The following LPIN3 variants were observed in gnomAD, a reference collection of about 807,000 sequenced individuals.
LPIN3 encodes lipin 3.
LPIN3 carries 82 observed loss-of-function variants against 94.7 expected under a neutral mutation model. The observed-to-expected ratio is 0.87, with a 90% CI of 0.72 to 1.04. LPIN3 has a LOEUF of 1.04. LPIN3 is among the 50% of genes least tolerant of loss of function. The pLI is 0.00. For synonymous variants in LPIN3, 418 were observed against 443.3 expected, an observed-to-expected ratio of 0.94 and a Z score of 0.72; for missense variants, 996 against 1,090.5, an observed-to-expected ratio of 0.91 and a Z score of 1.22.
Position 41,347,550 on chromosome 20 carries a change from A to T in LPIN3, c.193-2A>T. Reference sequence around the variant, plus strand: ...GTCCCTGCCACCGCTTTCCATTTGCAGGTAGACATTGAGCTCAATGGGGAG... The same window carrying T: ...GTCCCTGCCACCGCTTTCCATTTGCTGGTAGACATTGAGCTCAATGGGGAG... On this transcript the variant is annotated splice_acceptor_variant, in intron 2 of 19. Transcript: ENST00000373257. LOFTEE classifies it high-confidence loss of function. 1 of 1,614,012 alleles carries T rather than the reference A, an allele frequency of 6.2e-7. No individual in the cohort carries two copies. The highest frequency in any genetic ancestry group is 8.5e-7 in the Non-Finnish European group (1 of 1,179,890).
In LPIN3 at chr20:41,348,613, C is replaced by T. The variant is rs751234347; in HGVS notation, c.289-6C>T. On this transcript the variant is annotated splice_polypyrimidine_tract_variant and splice_region_variant and intron_variant, in intron 3 of 19. Transcript: ENST00000373257. ...CCCCGACCTCAGTTCTTGGTCTGTTCCACAGGAACATGTGCCTCCCGGCCT... is the reference window on the plus strand; with the variant it reads ...CCCCGACCTCAGTTCTTGGTCTGTTTCACAGGAACATGTGCCTCCCGGCCT... 1.4e-5 allele frequency: 22 copies of T among 1,601,612 alleles called. No homozygotes were observed. Among genetic ancestry groups the T allele is most frequent in the Non-Finnish European group, 1.8e-5 (21 of 1,172,660 alleles).
rs955977822 is a variant in LPIN3 at position 41,351,865 on chromosome 20, C to G, written c.1147C>G (p.Leu383Val). 1.2e-5 allele frequency: 20 copies of G among 1,614,220 alleles called. No individual in the cohort carries two copies. Among genetic ancestry groups the G allele is most frequent in the East Asian group, 4.5e-5 (2 of 44,880 alleles). ...GCACCTGGGCCCCAGTGACATCTAC[C>G]TGGATGACTTGCCCTCCCTGGACTC... The part of the protein sequence containing the change: ...SQHLGPSDIY[L>V]DDLPSLDSEN... The change falls in exon 8 of 20, where the codon CTG becomes GTG. Residue 383 changes from leucine to valine, a missense_variant. Transcript: ENST00000373257.
chr20:41,350,342 C>T lies in LPIN3; in HGVS notation c.1047C>T (p.Ala349=). The stretch of plus-strand genomic sequence containing the variant: ...CTGCCTCCAAGTCATGGAGCTGGGC[C>T]ACTCTGGAGGTTCCAGTTCCCACCG... ...LPPASKSWSW[A]TLEVPVPTGQ... is the part of the protein sequence containing the mutation. Residue 349 remains alanine (A), a synonymous_variant, in exon 7 of 20, where the codon GCC becomes GCT. Coordinates refer to ENST00000373257, the MANE Select transcript of LPIN3 (RefSeq NM_022896.3). 1 of 1,603,264 alleles carries T rather than the reference C, an allele frequency of 6.2e-7. No homozygotes were observed. The highest frequency in any genetic ancestry group is 8.5e-7 in the Non-Finnish European group (1 of 1,172,272).
At position 41,354,827 on chromosome 20, in the gene LPIN3, C is replaced by T. The variant is rs1260229378; in HGVS notation, c.1628C>T (p.Ala543Val). The T allele has an allele frequency of 6.3e-7, 1 of 1,597,178 alleles. No individual in the cohort carries two copies. The highest frequency in any genetic ancestry group is 1.1e-5 in the South Asian group (1 of 89,372). ...RRDFLAEERS[A>V]QKEKTAAKEQ... The stretch of plus-strand genomic sequence containing the variant: ...TGGATGTTCTTTCCACAGCGCAGTG[C>T]CCAGAAGGAGAAGACTGCAGCCAAG... The change falls in exon 13 of 20, where the codon GCC (alanine) becomes GTC (valine). Residue 543 changes from alanine (A) to valine (V), a missense_variant. Ala to Val is a moderately conservative substitution (Grantham distance 64). Coordinates refer to ENST00000373257, the MANE Select transcript of LPIN3 (RefSeq NM_022896.3).
At position 41,349,117 on chromosome 20, in the gene LPIN3, C is replaced by T. The variant is rs1428803668; in HGVS notation, c.583C>T (p.Leu195=). ...TGTCCAGTTGGAAGAGAAGTCTTCACTGCAGCCCAAAGACATCTACCCCTA... is the reference window on the plus strand; with the variant it reads ...TGTCCAGTTGGAAGAGAAGTCTTCATTGCAGCCCAAAGACATCTACCCCTA... ...PGVQLEEKSS[L]QPKDIYPYSD... Residue 195 remains leucine, a synonymous_variant, in exon 5 of 20, where the codon CTG becomes TTG. Coordinates refer to ENST00000373257, the MANE Select transcript of LPIN3 (RefSeq NM_022896.3). The T allele has an allele frequency of 6.2e-7, 1 of 1,614,226 alleles. No homozygotes were observed. The highest frequency in any genetic ancestry group is 8.5e-7 in the Non-Finnish European group (1 of 1,180,044).
rs773619982 is a variant in LPIN3, at chr20:41,348,797, C to T, written c.467C>T (p.Ala156Val). 1 of 1,612,136 alleles carries T rather than the reference C, an allele frequency of 6.2e-7. No homozygotes were observed. Among genetic ancestry groups the T allele is most frequent in the Non-Finnish European group, 8.5e-7 (1 of 1,179,256 alleles). ...RRRKPKQKED[A>V]VATDSSPEEL... is the part of the protein sequence containing the mutation. Reference sequence around the variant, plus strand: ...AGGAAACCCAAGCAGAAAGAGGATGCAGTGGCAACTGATTCTAGTCCAGAG... The same window carrying T: ...AGGAAACCCAAGCAGAAAGAGGATGTAGTGGCAACTGATTCTAGTCCAGAG... Residue 156 changes from alanine (A) to valine (V), a missense_variant, in exon 4 of 20, where the codon GCA becomes GTA. By Grantham distance (64) the Ala-to-Val change is moderately conservative. Coordinates refer to ENST00000373257, the MANE Select transcript of LPIN3 (RefSeq NM_022896.3).
Position 41,350,071 on chromosome 20 carries a change from G to C in LPIN3, c.776G>C (p.Arg259Pro), listed in dbSNP as rs779791289. ...GRLPKVARAE[R>P]PESSVVLEGR... ...CCACTAAAGGTGGCCAGAGCTGAGC[G>C]GCCCGAGTCCTCAGTGGTCCTTGAA... Residue 259 changes from arginine to proline, a missense_variant, in exon 7 of 20, where the codon CGG becomes CCG. Transcript: ENST00000373257. The C allele has an allele frequency of 6.2e-7, 1 of 1,601,332 alleles. No homozygotes were observed. The highest frequency in any genetic ancestry group is 1.1e-5 in the South Asian group (1 of 89,586).
chr20:41,341,642 C>A lies in LPIN3; in HGVS notation c.-9+640C>A, dbSNP rs534876804. 5.9e-5 allele frequency among the ~76,000 whole-genome samples: 9 copies of A among 152,338 alleles called. No individual in the cohort carries two copies. The East Asian group carries it at 1.7e-3, about 29-fold the overall frequency. On this transcript the variant is annotated intron_variant, in intron 1 of 19. Transcript: ENST00000373257. ...ACGTGGAGTGCACATGCTCGTTTTGCAAATAGTGGTGCCACCATTGTGCAT... is the reference window on the plus strand; with the variant it reads ...ACGTGGAGTGCACATGCTCGTTTTGAAAATAGTGGTGCCACCATTGTGCAT...
At chr20:41,345,742 C>A (rs1600710349) in intron 1 of LPIN3, 54 bp from the exon 2 acceptor site, 1 of 1,545,532 alleles carries the variant, frequency 6.5e-7, no homozygotes, top group African/African-American at 1.4e-5. Context: ...GCAGGAGCTT[C>A]TTGTGGAGGA....
intron 13 of LPIN3, 75 bp from the exon 14 acceptor site, chr20:41,355,821 C>T (rs2046187564): frequency 6.3e-7 from 1 of 1,575,010 alleles, no homozygotes; most frequent in South Asian, 1.2e-5. Context: ...ACAGGTCCAG[C>T]CTCCTCTTGG....
In LPIN3 at chr20:41,347,533, C is replaced by T. The variant is rs777252098; in HGVS notation, c.193-19C>T. 164 of 1,611,576 alleles carry T rather than the reference C, an allele frequency of 1.0e-4. No individual in the cohort carries two copies. The highest frequency in any genetic ancestry group is 1.4e-4 in the Non-Finnish European group (161 of 1,177,914). Reference sequence around the variant, plus strand: ...TGGGCGTGAAGGCCCATGTCCCTGCCACCGCTTTCCATTTGCAGGTAGACA... The same window carrying T: ...TGGGCGTGAAGGCCCATGTCCCTGCTACCGCTTTCCATTTGCAGGTAGACA... On this transcript the variant is annotated intron_variant, in intron 2 of 19. Transcript: ENST00000373257.
rs186036759 is a variant in LPIN3 at position 41,353,364 on chromosome 20, C to T, written c.1527+497C>T. On this transcript the variant is annotated intron_variant, in intron 11 of 19. Transcript: ENST00000373257. ...TAGGCTGGGGACAGTCATGAATAAA[C>T]GAAACAAAATTATCCCTGCTCTCAA... Among the ~76,000 whole-genome samples the T allele has an allele frequency of 3.7e-4, 57 of 152,294 alleles. 1 individual carries two copies. In the East Asian group the frequency reaches 6.6e-3, roughly 18 times the overall value.
chr20:41,353,481 A>G (rs1389049874), intron 11 of LPIN3, among the ~76,000 whole-genome samples: 3 of 152,182 alleles, frequency 2.0e-5, no homozygotes, highest in East Asian at 3.8e-4. Flanking sequence ...TGCAGAGCCT[A>G]TGGCAAGGGG....
chr20:41,347,474 G>A, intron 2 of LPIN3, 78 bp from the exon 3 acceptor site: 1 of 1,409,436 alleles, frequency 7.1e-7, no homozygotes, highest in East Asian at 2.3e-5. Context: ...AGGAGCCACT[G>A]GAGGACCAGC....
At chr20:41,343,162 C>T (rs963271175) in intron 1 of LPIN3, among the ~76,000 whole-genome samples, 1 of 152,124 alleles carries the variant, frequency 6.6e-6, no homozygotes, top group African/African-American at 2.4e-5. Context: ...TTATCTGGCC[C>T]CAAAGGACAG....
In LPIN3 at chr20:41,357,023, C is replaced by A. The variant is rs751210607; in HGVS notation, c.1804-17C>A. The A allele has an allele frequency of 1.0e-5, 16 of 1,606,804 alleles. No individual in the cohort carries two copies. In the East Asian group the frequency reaches 2.5e-4, roughly 25 times the overall value. ...GCTGTCATCAATCACGACACACCCC[C>A]CTTTGTCTGGCCTCAGCGGCGCCTG... is the stretch of plus-strand genomic sequence containing the variant. On this transcript the variant is annotated splice_polypyrimidine_tract_variant and intron_variant, in intron 14 of 19. Transcript: ENST00000373257.
chr20:41,349,166 A>C lies in LPIN3; in HGVS notation c.632A>C (p.Gln211Pro), dbSNP rs2045905937. The change falls in exon 5 of 20, where the codon CAG (glutamine) becomes CCG (proline). Residue 211 changes from glutamine to proline, a missense_variant. Transcript: ENST00000373257. ...TACTCGGATGGCGAGTGGCCCCCCC[A>C]GGCCAGGTAAGAGTCCAGGTGGGCT... ...YPYSDGEWPPQASLSAGELTS... is the reference protein window; with the variant it reads ...YPYSDGEWPPPASLSAGELTS... 1 of 1,613,988 alleles carries C rather than the reference A, an allele frequency of 6.2e-7. No individual in the cohort carries two copies. Among genetic ancestry groups the C allele is most frequent in the Non-Finnish European group, 8.5e-7 (1 of 1,179,948 alleles).
Position 41,352,829 on chromosome 20 carries a change from A to T in LPIN3, c.1489A>T (p.Ile497Phe). The change falls in exon 11 of 20, where the codon ATC (isoleucine) becomes TTC (phenylalanine). Residue 497 changes from isoleucine to phenylalanine, a missense_variant. Ile to Phe is a conservative substitution (Grantham distance 21). Coordinates refer to ENST00000373257, the MANE Select transcript of LPIN3 (RefSeq NM_022896.3). The stretch of plus-strand genomic sequence containing the variant: ...TAACTGGGCTGTGGCTGCCCCCATG[A>T]TCCTCTCCCTGCAAGCCTTCCAGAA... ...HYNWAVAAPM[I>F]LSLQAFQKNL... 2 of 1,614,162 alleles carry T rather than the reference A, an allele frequency of 1.2e-6. No individual in the cohort carries two copies. Among genetic ancestry groups the T allele is most frequent in the Non-Finnish European group, 1.7e-6 (2 of 1,180,038 alleles).
At chr20:41,352,962 T>G (rs2046081535) in intron 11 of LPIN3, 95 bp downstream of exon 11, 1 of 1,408,514 alleles carries the variant, frequency 7.1e-7, no homozygotes, top group African/African-American at 1.4e-5. Context: ...TGAGCAGAGA[T>G]GGGCCTGGGA....
Sources: gnomAD v4.1 joint callset for allele counts (sites outside exome capture counted in the v4.1 genomes callset) on GRCh38, gnomAD v4.1.1 for gene constraint, MANE v1.5 for transcripts, NCBI Gene and HGNC (gene_info 2026-07-23, HGNC 2026-07-21) for gene names.